Variants in COG5 observed in about 807,000 individuals in gnomAD.
COG5 encodes component of oligomeric golgi complex 5.
A neutral mutation model predicts 110.4 loss-of-function variants in COG5; 86 were observed. That is an observed-to-expected ratio of 0.78 (90% CI 0.65 to 0.93). COG5 has a LOEUF of 0.93. COG5 is among the 40% of genes least tolerant of loss of function. COG5 has a pLI of 0.00. For missense variants in COG5, 1,077 were observed against 987.0 expected (o/e 1.09, Z -1.22); for synonymous variants, 360 against 334.6 (o/e 1.08, Z -0.83).
intron 7 of COG5, among the ~76,000 whole-genome samples, chr7:107,383,716 G>C (rs916779472): frequency 6.6e-6 from 1 of 152,070 alleles, no homozygotes; most frequent in African/African-American, 2.4e-5. Context: ...TTTCTAAATG[G>C]GCAGCCATTC....
intron 7 of COG5, among the ~76,000 whole-genome samples, chr7:107,388,179 C>T (rs1790345788): frequency 6.6e-6 from 1 of 152,194 alleles, no homozygotes; most frequent in South Asian, 2.1e-4. Flanking sequence ...GCAATCTCCA[C>T]ACGTGTTAAC....
intron 6 of COG5, among the ~76,000 whole-genome samples, chr7:107,413,020 G>A (rs1056290904): frequency 2.6e-5 from 4 of 151,206 alleles, no homozygotes; most frequent in Non-Finnish European, 5.9e-5. Context: ...TTTTTTTTAA[G>A]AGATGGGGGA....
chr7:107,410,554 T>A (rs1563017217), intron 7 of COG5, among the ~76,000 whole-genome samples: 1 of 152,146 alleles, frequency 6.6e-6, no homozygotes, highest in Non-Finnish European at 1.5e-5. Flanking sequence ...GCAATTCTCC[T>A]GCCTCAGCCT....
At chr7:107,306,030 C>T (rs547597210) in intron 11 of COG5, among the ~76,000 whole-genome samples, 9 of 152,210 alleles carry the variant, frequency 5.9e-5, no homozygotes, top group African/African-American at 2.2e-4. Context: ...TAAAATATAT[C>T]ATATTTCATT....
chr7:107,439,090 C>A (rs1306662447), intron 6 of COG5, among the ~76,000 whole-genome samples: 1 of 152,130 alleles, frequency 6.6e-6, no homozygotes, highest in Admixed American at 6.5e-5. Context: ...TTTCTGCTAC[C>A]CAATCCCACG....
At chr7:107,516,423 T>G (rs905114382) in intron 6 of COG5, among the ~76,000 whole-genome samples, 13 of 152,250 alleles carry the variant, frequency 8.5e-5, no homozygotes, top group African/African-American at 3.1e-4. Context: ...TGTCTTTTTA[T>G]TCTCGTAACA....
intron 19 of COG5, among the ~76,000 whole-genome samples, chr7:107,216,538 C>T (rs1347949717): frequency 6.6e-6 from 1 of 152,146 alleles, no homozygotes; most frequent in Non-Finnish European, 1.5e-5. Flanking sequence ...GAAATGAAAT[C>T]ATATCAAGTA....
intron 12 of COG5, among the ~76,000 whole-genome samples, chr7:107,289,750 GTGT>G (rs1806004906): frequency 6.6e-6 from 1 of 151,912 alleles, no homozygotes; most frequent in Non-Finnish European, 1.5e-5. Flanking sequence ...TATCTTTGTG[GTGT>G]TGTTATACAT....
intron 6 of COG5, among the ~76,000 whole-genome samples, chr7:107,496,205 C>T (rs1439726293): frequency 6.6e-6 from 1 of 152,056 alleles, no homozygotes; most frequent in East Asian, 1.9e-4. Context: ...AAGTCAAAGA[C>T]ACTACAAGAA....
At chr7:107,391,999 G>A (rs1410242020) in intron 7 of COG5, among the ~76,000 whole-genome samples, 2 of 152,188 alleles carry the variant, frequency 1.3e-5, no homozygotes, top group African/African-American at 4.8e-5. Flanking sequence ...GCTGAGGCAG[G>A]AGAAATGCTT....
At chr7:107,251,133 C>CAAA (rs564589238) in intron 16 of COG5, among the ~76,000 whole-genome samples, 1 of 54,846 alleles carries the variant, frequency 1.8e-5, no homozygotes, top group African/African-American at 5.3e-5. Context: ...TGAAACTAGC[C>CAAA]AAAAAAAAAA....
At chr7:107,418,165 T>C (rs1793018532) in intron 6 of COG5, among the ~76,000 whole-genome samples, 1 of 150,954 alleles carries the variant, frequency 6.6e-6, no homozygotes, top group Admixed American at 6.6e-5. Flanking sequence ...AGAGGAAAGA[T>C]GCCTTTTTTT....
intron 10 of COG5, among the ~76,000 whole-genome samples, chr7:107,329,751 C>T (rs1199577620): frequency 4.6e-5 from 7 of 151,996 alleles, no homozygotes; most frequent in African/African-American, 1.5e-4. Context: ...AAAAAATTAG[C>T]TGAGTGTGGG....
intron 6 of COG5, among the ~76,000 whole-genome samples, chr7:107,526,778 A>G (rs1344027041): frequency 6.6e-6 from 1 of 152,234 alleles, no homozygotes; most frequent in African/African-American, 2.4e-5. Flanking sequence ...GTACAAGAAG[A>G]CAGCCTCAAA....
At chr7:107,247,805 T>C (rs186574904) in intron 17 of COG5, among the ~76,000 whole-genome samples, 2 of 152,254 alleles carry the variant, frequency 1.3e-5, no homozygotes, top group Admixed American at 6.5e-5. Flanking sequence ...TGAAACAGGT[T>C]TGGAATAACA....
chr7:107,511,875 A>C (rs1027472415), intron 6 of COG5, among the ~76,000 whole-genome samples: 7 of 152,232 alleles, frequency 4.6e-5, no homozygotes, highest in Non-Finnish European at 7.3e-5. Context: ...TCAATAAATT[A>C]GGTATTGATG....
chr7:107,341,498 C>A (rs1811167616), intron 10 of COG5, among the ~76,000 whole-genome samples: 1 of 152,004 alleles, frequency 6.6e-6, no homozygotes, highest in Non-Finnish European at 1.5e-5. Context: ...CTACCAATTT[C>A]ATTTTTCACA....
chr7:107,448,780 A>T (rs1795159139), intron 6 of COG5, among the ~76,000 whole-genome samples: 1 of 152,174 alleles, frequency 6.6e-6, no homozygotes, highest in Non-Finnish European at 1.5e-5. Context: ...AATACATTGG[A>T]AATTTTTTTG....
At chr7:107,493,203 C>T (rs1253602046) in intron 6 of COG5, among the ~76,000 whole-genome samples, 1 of 152,152 alleles carries the variant, frequency 6.6e-6, no homozygotes, top group Non-Finnish European at 1.5e-5. Context: ...AGCACGAAGG[C>T]CCACATTGAA....
Sources: gnomAD v4.1 joint callset for allele counts (sites outside exome capture counted in the v4.1 genomes callset) on GRCh38, gnomAD v4.1.1 for gene constraint, MANE v1.5 for transcripts, NCBI Gene and HGNC (gene_info 2026-07-23, HGNC 2026-07-21) for gene names.